Variants in VAV2 observed in about 807,000 individuals in gnomAD.
VAV2 encodes the protein vav guanine nucleotide exchange factor 2, also known as guanine nucleotide exchange factor VAV2.
A neutral mutation model predicts 132.5 loss-of-function variants in VAV2; 67 were observed. That is an observed-to-expected ratio of 0.51 (90% CI 0.42 to 0.62). VAV2 has a LOEUF of 0.62. Ranked by LOEUF, VAV2 falls within the 20% of genes least tolerant of loss-of-function variation. The pLI is 0.00. For synonymous variants in VAV2, 492 were observed against 443.5 expected, an observed-to-expected ratio of 1.11 and a Z score of -1.37; for missense variants, 938 against 1,153.6, an observed-to-expected ratio of 0.81 and a Z score of 2.71.
intron 2 of VAV2, among the ~76,000 whole-genome samples, chr9:133,933,883 ATGAT>A (rs1322876686): frequency 3.6e-4 from 8 of 22,160 alleles, no homozygotes; most frequent in African/African-American, 6.7e-4. Context: ...GGATGGATGA[ATGAT>A]GGATGGATGG....
Position 133,783,534 on chromosome 9 carries a change from C to T in VAV2, c.1692G>A (p.Glu564=). 1 of 1,613,952 alleles carries T rather than the reference C, an allele frequency of 6.2e-7. No individual in the cohort carries two copies. The highest frequency in any genetic ancestry group is 8.5e-7 in the Non-Finnish European group (1 of 1,179,960). The change falls in exon 19 of 30, where the codon GAG becomes GAA. Residue 564 remains glutamate (E), a synonymous_variant. Transcript: ENST00000371850. ...TGCAGGGAGGTATCACTTCCAGGCA[C>T]TCCTTGTGTGCCCCGACGCCACACT... ...CTKCGVGAHK[E]CLEVIPPCKF...
Position 133,961,906 on chromosome 9 carries a change from C to T in VAV2, c.205-22687G>A, listed in dbSNP as rs1564505270. Among the ~76,000 whole-genome samples, 1 of 152,138 alleles carries T rather than the reference C, an allele frequency of 6.6e-6. No homozygotes were observed. Among genetic ancestry groups the T allele is most frequent in the African/African-American group, 2.4e-5 (1 of 41,422 alleles). On this transcript the variant is annotated intron_variant, in intron 1 of 29. Transcript: ENST00000371850. The surrounding 1 kb of genome is among the most constrained non-coding windows in gnomAD (Gnocchi z 4.1). ...TCATCCACCCAGAGGGTGCCCCCAC[C>T]CTGACTCCTCACCCCACGGTGGCCC... is the stretch of plus-strand genomic sequence containing the variant.
At chr9:133,827,159 A>C (rs1588232124) in intron 4 of VAV2, among the ~76,000 whole-genome samples, 2 of 152,118 alleles carry the variant, frequency 1.3e-5, no homozygotes, top group South Asian at 4.1e-4. Context: ...GGAAGAAGCC[A>C]ATGTGCCACC....
Position 133,991,111 on chromosome 9 carries a change from C to A in VAV2, c.204+964G>T, listed in dbSNP as rs1234854471. Among the ~76,000 whole-genome samples, 1 of 152,184 alleles carries A rather than the reference C, an allele frequency of 6.6e-6. No individual in the cohort carries two copies. Among genetic ancestry groups the A allele is most frequent in the African/African-American group, 2.4e-5 (1 of 41,448 alleles). ...CTCTCCACATGGAGTTGCCACTGCG[C>A]GCGGTGAGGGGCTGCTGAGCTGGCT... On this transcript the variant is annotated intron_variant, in intron 1 of 29. Coordinates refer to ENST00000371850, the MANE Select transcript of VAV2 (RefSeq NM_001134398.2). This position sits in a 1 kb window ranked among gnomAD's most constrained non-coding sequence, Gnocchi z 4.8.
At position 133,824,749 on chromosome 9, in the gene VAV2, G is replaced by A. The variant is rs1428825469; in HGVS notation, c.449+9523C>T. Among the ~76,000 whole-genome samples, 2 of 152,118 alleles carry A rather than the reference G, an allele frequency of 1.3e-5. No homozygotes were observed. The highest frequency in any genetic ancestry group is 4.8e-5 in the African/African-American group (2 of 41,422). On this transcript the variant is annotated intron_variant, in intron 4 of 29. Transcript: ENST00000371850. The surrounding 1 kb of genome is among the most constrained non-coding windows in gnomAD (Gnocchi z 5.2). ...GCCACCCCTGGGGTTAGGGAGGGGT[G>A]GTCTGACAATGACCCTTGGAGAGAC...
intron 17 of VAV2, 45 bp downstream of exon 17, chr9:133,785,731 C>A: frequency 6.3e-7 from 1 of 1,587,086 alleles, no homozygotes; most frequent in East Asian, 2.2e-5. Context: ...ACCCCCCATA[C>A]AACTCATCTG....
At chr9:133,937,961 C>T (rs535736029) in intron 2 of VAV2, among the ~76,000 whole-genome samples, 1 of 152,366 alleles carries the variant, frequency 6.6e-6, no homozygotes, top group South Asian at 2.1e-4. Flanking sequence ...GGAAGGGAAG[C>T]GCCAAGCCTG....
In VAV2 at chr9:133,905,775, G is replaced by A. The variant is rs541066466; in HGVS notation, c.321+33328C>T. On this transcript the variant is annotated intron_variant, in intron 2 of 29. Coordinates refer to ENST00000371850, the MANE Select transcript of VAV2 (RefSeq NM_001134398.2). ...TATAGCTGGGCGAGGTGACTCACAC[G>A]CCTGTAATCCCAGCACTTTGGGAGG... is the stretch of plus-strand genomic sequence containing the variant. Among the ~76,000 whole-genome samples the A allele has an allele frequency of 1.6e-4, 25 of 152,184 alleles. No homozygotes were observed. The South Asian group carries it at 3.7e-3, about 23-fold the overall frequency.
chr9:133,835,861 C>T (rs763686290), intron 3 of VAV2, among the ~76,000 whole-genome samples: 4 of 152,176 alleles, frequency 2.6e-5, no homozygotes, highest in Non-Finnish European at 5.9e-5. Context: ...CATTGGTCAG[C>T]GTGCCCCTGT....
chr9:133,799,211 C>T (rs1478822202), intron 9 of VAV2, among the ~76,000 whole-genome samples: 2 of 152,220 alleles, frequency 1.3e-5, no homozygotes, highest in Admixed American at 6.5e-5. Flanking sequence ...GGGAGCATGT[C>T]CCTTTGGAGC....
Position 133,992,007 on chromosome 9 carries a change from G to A in VAV2, c.204+68C>T, listed in dbSNP as rs1843038180. ...GGGCCGCCGCCGCTGCGACCTCCGC[G>A]TTCAGTCCGCGCGTCGGGCAGCGCG... On this transcript the variant is annotated intron_variant, in intron 1 of 29. Transcript: ENST00000371850. The surrounding 1 kb of genome is among the most constrained non-coding windows in gnomAD (Gnocchi z 5.5). 5 of 1,318,578 alleles carry A rather than the reference G, an allele frequency of 3.8e-6. No homozygotes were observed. In the South Asian group the frequency reaches 5.5e-5, roughly 14 times the overall value. 81.7% of individuals were successfully genotyped at this position (1,318,578 alleles called of 1,614,324 possible).
In VAV2 at chr9:133,833,554, A is replaced by G. The variant is rs868148581; in HGVS notation, c.449+718T>C. The stretch of plus-strand genomic sequence containing the variant: ...TGGATGAGCCAGGCCGTGAGGCCCC[A>G]GCAAGGATGCTCGGTCTCAGCCCAG... On this transcript the variant is annotated intron_variant, in intron 4 of 29. Transcript: ENST00000371850. The surrounding 1 kb of genome is among the most constrained non-coding windows in gnomAD (Gnocchi z 5.6). Among the ~76,000 whole-genome samples, 9 of 152,106 alleles carry G rather than the reference A, an allele frequency of 5.9e-5. No homozygotes were observed. Among genetic ancestry groups the G allele is most frequent in the Non-Finnish European group, 8.8e-5 (6 of 67,986 alleles).
At chr9:133,781,669 G>A (rs552920719) in intron 19 of VAV2, among the ~76,000 whole-genome samples, 11 of 152,342 alleles carry the variant, frequency 7.2e-5, no homozygotes, top group South Asian at 4.1e-4. Context: ...GCACTTTCCA[G>A]AGCCAAACCC....
intron 3 of VAV2, among the ~76,000 whole-genome samples, chr9:133,839,826 T>C (rs1033275994): frequency 6.6e-6 from 1 of 152,194 alleles, no homozygotes; most frequent in African/African-American, 2.4e-5. Flanking sequence ...GTAGGGACTT[T>C]GTAAACACTG....
intron 9 of VAV2, among the ~76,000 whole-genome samples, chr9:133,798,120 C>T (rs1412115433): frequency 1.3e-5 from 2 of 152,150 alleles, no homozygotes; most frequent in African/African-American, 2.4e-5. Flanking sequence ...ATCCCACCCC[C>T]AAAAAGGGCC....
intron 1 of VAV2, among the ~76,000 whole-genome samples, chr9:133,972,554 G>C (rs1183311668): frequency 6.6e-6 from 1 of 152,220 alleles, no homozygotes; most frequent in Non-Finnish European, 1.5e-5. Flanking sequence ...CCTCCTGCAA[G>C]CCTGAGCCCC....
chr9:133,986,195 T>C (rs1182902173), intron 1 of VAV2, among the ~76,000 whole-genome samples: 4 of 152,114 alleles, frequency 2.6e-5, no homozygotes, highest in Admixed American at 6.5e-5. Context: ...TCACCAGCAA[T>C]GGGGCACAGC....
chr9:133,945,565 T>C (rs2132159166), intron 1 of VAV2, among the ~76,000 whole-genome samples: 1 of 152,340 alleles, frequency 6.6e-6, no homozygotes, highest in East Asian at 1.9e-4. Flanking sequence ...CCCCAGCCTC[T>C]GGCAGGCCCA....
chr9:133,889,610 C>T (rs1838849652), intron 2 of VAV2, among the ~76,000 whole-genome samples: 1 of 152,212 alleles, frequency 6.6e-6, no homozygotes, highest in Non-Finnish European at 1.5e-5. Flanking sequence ...CCCAGTCCCA[C>T]ACTGCAACTG....
Sources: gnomAD v4.1 joint callset for allele counts (sites outside exome capture counted in the v4.1 genomes callset) on GRCh38, gnomAD v4.1.1 for gene constraint, Gnocchi (gnomAD v3.1) non-coding constraint, MANE v1.5 for transcripts, NCBI Gene and HGNC (gene_info 2026-07-23, HGNC 2026-07-21) for gene names.